The following ROBO1 variants were observed in gnomAD, a reference collection of about 807,000 sequenced individuals.
ROBO1 encodes the protein roundabout guidance receptor 1, also known as roundabout homolog 1.
A neutral mutation model predicts 195.9 loss-of-function variants in ROBO1; 149 were observed. The ratio of observed to expected loss-of-function variants is 0.76; its 90% CI spans 0.67 to 0.87. ROBO1 has a LOEUF of 0.87. Among genes scored for constraint, ROBO1 ranks in the 40% least tolerant of loss-of-function variants. The pLI is 0.00. For missense variants in ROBO1, 1,933 were observed against 2,068.3 expected (o/e 0.93, Z 1.27); for synonymous variants, 816 against 733.2 (o/e 1.11, Z -1.82).
intron 5 of ROBO1, among the ~76,000 whole-genome samples, chr3:78,731,209 G>A (rs537053084): frequency 6.6e-6 from 1 of 152,180 alleles, no homozygotes; most frequent in East Asian, 1.9e-4. Context: ...ATGCTGAACA[G>A]AAAATGTAAT....
chr3:78,866,942 T>C (rs2035220304), intron 4 of ROBO1, among the ~76,000 whole-genome samples: 1 of 152,184 alleles, frequency 6.6e-6, no homozygotes, highest in South Asian at 2.1e-4. Flanking sequence ...TAGACTGTAA[T>C]AGATCCATTT....
At position 78,836,380 on chromosome 3, in the gene ROBO1, C is replaced by T. The variant is rs1441977169; in HGVS notation, c.500-89480G>A. ...ACAAAACATTAGCGGGGTGTGGTGG[C>T]GGGTGCCTGTAGTCCCAGCTACTCG... is the stretch of plus-strand genomic sequence containing the variant. On this transcript the variant is annotated intron_variant, in intron 4 of 30. Transcript: ENST00000464233. Among the ~76,000 whole-genome samples, 8 of 151,468 alleles carry T rather than the reference C, an allele frequency of 5.3e-5. No individual in the cohort carries two copies. The East Asian group carries it at 7.8e-4, about 15-fold the overall frequency.
intron 2 of ROBO1, among the ~76,000 whole-genome samples, chr3:79,182,893 C>A (rs1356684619): frequency 6.6e-6 from 1 of 151,740 alleles, no homozygotes; most frequent in East Asian, 1.9e-4. Context: ...CCATCTTGGC[C>A]AACATGGTGA....
At chr3:78,702,990 G>C (rs1440355202) in intron 8 of ROBO1, among the ~76,000 whole-genome samples, 1 of 152,110 alleles carries the variant, frequency 6.6e-6, no homozygotes, top group Non-Finnish European at 1.5e-5. Context: ...CTGTAGGAAG[G>C]CCATGAAGTG....
At chr3:79,112,099 C>G (rs1396938566) in intron 3 of ROBO1, among the ~76,000 whole-genome samples, 1 of 152,078 alleles carries the variant, frequency 6.6e-6, no homozygotes, top group Non-Finnish European at 1.5e-5. Flanking sequence ...TTACCCATTT[C>G]TTATTACTTT....
chr3:79,298,229 C>A (rs1176615403), intron 2 of ROBO1, among the ~76,000 whole-genome samples: 1 of 152,072 alleles, frequency 6.6e-6, no homozygotes, highest in Non-Finnish European at 1.5e-5. Flanking sequence ...CAATCTATAA[C>A]CAGGCCAGCG....
chr3:79,546,826 G>C lies in ROBO1; in HGVS notation c.88+42998C>G, dbSNP rs569985891. On this transcript the variant is annotated intron_variant, in intron 2 of 30. Transcript: ENST00000464233. Reference sequence around the variant, plus strand: ...GGCAGTTAACATAGAAAAAAGTGCTGATTCTTTAAGTTGAATACTTAGCTA... The same window carrying C: ...GGCAGTTAACATAGAAAAAAGTGCTCATTCTTTAAGTTGAATACTTAGCTA... 9.2e-5 allele frequency among the ~76,000 whole-genome samples: 14 copies of C among 152,264 alleles called. No individual in the cohort carries two copies. The South Asian group carries it at 2.5e-3, about 27-fold the overall frequency.
intron 8 of ROBO1, among the ~76,000 whole-genome samples, chr3:78,705,496 C>T (rs1489320449): frequency 1.3e-5 from 2 of 152,298 alleles, no homozygotes; most frequent in Middle Eastern, 3.4e-3. Context: ...GATTCAACAA[C>T]TGGTGTGTAT....
intron 2 of ROBO1, among the ~76,000 whole-genome samples, chr3:79,428,229 T>C (rs1473456420): frequency 6.6e-6 from 1 of 152,112 alleles, no homozygotes. Flanking sequence ...GAGATACCAA[T>C]AGAGGTATCA....
chr3:79,005,196 G>A (rs562455819), intron 3 of ROBO1, among the ~76,000 whole-genome samples: 1 of 152,296 alleles, frequency 6.6e-6, no homozygotes, highest in South Asian at 2.1e-4. Flanking sequence ...TCCTTGCCCA[G>A]GGCACATTAC....
chr3:78,893,311 A>G (rs1466895509), intron 4 of ROBO1, among the ~76,000 whole-genome samples: 1 of 152,150 alleles, frequency 6.6e-6, no homozygotes, highest in Non-Finnish European at 1.5e-5. Context: ...TTCACACAAT[A>G]TTCCATTGGC....
At chr3:79,765,832 C>T (rs749139202) in intron 1 of ROBO1, among the ~76,000 whole-genome samples, 2 of 152,144 alleles carry the variant, frequency 1.3e-5, no homozygotes, top group African/African-American at 4.8e-5. Context: ...CCTGCATCTA[C>T]GCTCCTTCCT....
At chr3:79,544,562 A>G (rs894048087) in intron 2 of ROBO1, among the ~76,000 whole-genome samples, 3 of 152,028 alleles carry the variant, frequency 2.0e-5, no homozygotes, top group Non-Finnish European at 4.4e-5. Flanking sequence ...CATATTCACA[A>G]AATGATTGTA....
chr3:78,968,425 G>A (rs1248967745), intron 3 of ROBO1, among the ~76,000 whole-genome samples: 1 of 151,676 alleles, frequency 6.6e-6, no homozygotes, highest in Non-Finnish European at 1.5e-5. Context: ...CCACTCACAT[G>A]GTGAAATTAG....
intron 8 of ROBO1, among the ~76,000 whole-genome samples, chr3:78,707,858 A>C (rs775663294): frequency 6.6e-6 from 1 of 152,152 alleles, no homozygotes; most frequent in African/African-American, 2.4e-5. Context: ...AAGAAGACTA[A>C]GTGTCTTTTA....
At chr3:79,229,008 T>C (rs1011152497) in intron 2 of ROBO1, among the ~76,000 whole-genome samples, 23 of 152,148 alleles carry the variant, frequency 1.5e-4, no homozygotes, top group African/African-American at 5.1e-4. Flanking sequence ...TTCCATAAAA[T>C]GTTTTTTCAA....
chr3:78,752,448 G>T (rs186791606), intron 4 of ROBO1, among the ~76,000 whole-genome samples: 1 of 152,060 alleles, frequency 6.6e-6, no homozygotes, highest in Non-Finnish European at 1.5e-5. Context: ...CTTATTGCAG[G>T]TTATTTTGAA....
chr3:79,273,426 TGTTAA>T (rs1265653261), intron 2 of ROBO1, among the ~76,000 whole-genome samples: 1 of 152,120 alleles, frequency 6.6e-6, no homozygotes, highest in East Asian at 1.9e-4. Flanking sequence ...ATGCAATAAA[TGTTAA>T]GTTGTCATCA....
At chr3:78,760,886 C>T (rs1478302924) in intron 4 of ROBO1, among the ~76,000 whole-genome samples, 3 of 152,140 alleles carry the variant, frequency 2.0e-5, no homozygotes, top group South Asian at 4.1e-4. Flanking sequence ...AAGCAATCCT[C>T]CTGCCTCAGC....
Sources: allele counts gnomAD v4.1 joint callset (sites outside exome capture counted in the v4.1 genomes callset), GRCh38; gene constraint gnomAD v4.1.1; transcripts MANE v1.5; gene names NCBI Gene and HGNC (gene_info 2026-07-23, HGNC 2026-07-21).